Variants in KARS1 observed in about 807,000 individuals in gnomAD.
The protein encoded by KARS1 is lysyl-tRNA synthetase 1.
In KARS1, 50 loss-of-function variants were observed where a neutral mutation model predicts 63.9. The observed-to-expected ratio is 0.78, with a 90% CI of 0.62 to 0.99. The LOEUF (loss-of-function observed/expected upper bound fraction) is 0.99, where lower values mean the gene tolerates loss of function less well. KARS1 is among the 50% of genes least tolerant of loss of function. KARS1 has a pLI of 0.00. For synonymous variants in KARS1, 320 were observed against 264.6 expected, an observed-to-expected ratio of 1.21 and a Z score of -2.03; for missense variants, 816 against 754.5, an observed-to-expected ratio of 1.08 and a Z score of -0.95.
chr16:75,630,613 T>C (rs903867384), intron 10 of KARS1, 105 bp from the exon 11 acceptor site: 5 of 558,184 alleles, frequency 9.0e-6, no homozygotes, highest in South Asian at 2.1e-5. Context: ...GTTTATCCTA[T>C]AGCTTTTTAT....
At chr16:75,646,572 T>C (rs1264105929) in intron 1 of KARS1, among the ~76,000 whole-genome samples, 1 of 152,036 alleles carries the variant, frequency 6.6e-6, no homozygotes, top group Non-Finnish European at 1.5e-5. Context: ...CATTTCTCTT[T>C]TCTTTTTCAT....
chr16:75,641,556 G>C lies in KARS1; in HGVS notation c.222+8C>G, dbSNP rs761025140. On this transcript the variant is annotated splice_region_variant and intron_variant, in intron 2 of 13. Coordinates refer to ENST00000302445, the MANE Select transcript of KARS1 (RefSeq NM_005548.3). ...TGCCCAACCATGCTGGTGGCCCAGG[G>C]AACTCACATTTGGGTCCACGCTCTC... 1 of 1,612,396 alleles carries C rather than the reference G, an allele frequency of 6.2e-7. No homozygotes were observed. The highest frequency in any genetic ancestry group is 8.5e-7 in the Non-Finnish European group (1 of 1,179,160).
Position 75,634,195 on chromosome 16 carries a change from A to G in KARS1, c.893T>C (p.Ile298Thr). 6.2e-7 allele frequency: 1 copy of G among 1,613,874 alleles called. No individual in the cohort carries two copies. The highest frequency in any genetic ancestry group is 8.5e-7 in the Non-Finnish European group (1 of 1,179,816). Residue 298 changes from isoleucine (I) to threonine (T), a missense_variant, in exon 7 of 14, where the codon ATT becomes ACT. By Grantham distance (89) the Ile-to-Thr change is moderately conservative. Transcript: ENST00000302445. ...TACCTTATGATAGAGTTCTGGAGCA[A>G]TTCTCATATATAAGTTCATGTCCAG... is the stretch of plus-strand genomic sequence containing the variant. ...NELDMNLYMR[I>T]APELYHKMLV...
chr16:75,640,354 T>TAAA lies in KARS1; in HGVS notation c.223-8_223-6dup, dbSNP rs370077957. The TAAA allele has an allele frequency of 4.2e-5, 64 of 1,534,960 alleles. No homozygotes were observed. The highest frequency in any genetic ancestry group is 3.0e-4 in the Admixed American group (16 of 53,612). On this transcript the variant is annotated splice_polypyrimidine_tract_variant and splice_region_variant and intron_variant, in intron 2 of 13. Coordinates refer to ENST00000302445, the MANE Select transcript of KARS1 (RefSeq NM_005548.3). ...ACTGCGGATTTTGTAGTATTGCTGT[T>TAAA]AAAAAAAAAAAAAAAAAAGCCCTTC...
At chr16:75,643,379 C>CT (rs764979861) in intron 1 of KARS1, among the ~76,000 whole-genome samples, 2,986 of 140,984 alleles carry the variant, frequency 0.021, 94 homozygotes, top group African/African-American at 0.061. Context: ...AATCTTTCAC[C>CT]TTTTTTTTTT....
At position 75,629,404 on chromosome 16, in the gene KARS1, C is replaced by T. The variant is rs1010510886; in HGVS notation, c.1551+11G>A. The T allele has an allele frequency of 4.3e-6, 7 of 1,613,692 alleles. No individual in the cohort carries two copies. The African/African-American group carries it at 8.0e-5, about 18-fold the overall frequency. ...GTTGGCACAGCTTCTGCTCACAGTC[C>T]CCTTTCTCACCTTGGCCTGTTCTTC... is the stretch of plus-strand genomic sequence containing the variant. On this transcript the variant is annotated intron_variant, in intron 12 of 13. Transcript: ENST00000302445.
At chr16:75,633,890 C>A (rs944380553) in intron 7 of KARS1, 39 of 390,878 alleles carry the variant, frequency 1.0e-4, no homozygotes, top group South Asian at 2.5e-4. Flanking sequence ...CAGATCTAAT[C>A]CACGTAAGAC....
In KARS1 at chr16:75,639,618, A is replaced by G. The variant is rs13380501; in HGVS notation, c.388+566T>C. Among the ~76,000 whole-genome samples, 212 of 150,180 alleles carry G rather than the reference A, an allele frequency of 1.4e-3. 1 individual carries two copies. In the Middle Eastern group the frequency reaches 0.035, roughly 25 times the overall value. ...GATTTTAGTAAAATCACTGCACTTT[A>G]AAGAAGAAATCTTTTGGGCATTTAG... On this transcript the variant is annotated intron_variant, in intron 3 of 13. Transcript: ENST00000302445.
intron 12 of KARS1, 96 bp downstream of exon 12, chr16:75,629,319 A>C: frequency 6.7e-7 from 1 of 1,490,630 alleles, no homozygotes; most frequent in South Asian, 1.1e-5. Context: ...TTCACTTCTG[A>C]AGTCACCAAG....
intron 2 of KARS1, among the ~76,000 whole-genome samples, chr16:75,640,926 G>A (rs942563874): frequency 1.3e-5 from 2 of 152,208 alleles, no homozygotes; most frequent in African/African-American, 2.4e-5. Context: ...GGAGGGGCAA[G>A]GTGTGGTGGC....
At chr16:75,647,472 G>A in intron 1 of KARS1, 106 bp downstream of exon 1, 2 of 1,047,070 alleles carry the variant, frequency 1.9e-6, no homozygotes, top group South Asian at 1.3e-5. Context: ...ACCCACGAGA[G>A]CCGGCAAGAA....
At position 75,634,394 on chromosome 16, in the gene KARS1, C is replaced by G. The variant is rs950178168; in HGVS notation, c.796-102G>C. On this transcript the variant is annotated intron_variant, in intron 6 of 13. Transcript: ENST00000302445. ...TAGTCTAAGCCTGTTATACCCCAAA[C>G]TAAATGTTAATAAGTTCAACAGTAA... 8 of 1,206,562 alleles carry G rather than the reference C, an allele frequency of 6.6e-6. No homozygotes were observed. The Admixed American group carries it at 1.5e-4, about 23-fold the overall frequency. The allele number at this position is 1,206,562 out of a possible 1,614,324, so 74.7% of individuals were successfully genotyped here.
At chr16:75,633,655 T>C (rs1360731730) in intron 7 of KARS1, among the ~76,000 whole-genome samples, 2 of 152,062 alleles carry the variant, frequency 1.3e-5, no homozygotes, top group Non-Finnish European at 1.5e-5. Flanking sequence ...GTAGCTGGGA[T>C]TACAGGCACA....
chr16:75,631,533 CTGGGCCAT>C lies in KARS1; in HGVS notation c.1127_1134del (p.Asp376GlyfsTer8). The C allele has an allele frequency of 6.2e-7, 1 of 1,613,770 alleles. No homozygotes were observed. Among genetic ancestry groups the C allele is most frequent in the East Asian group, 2.2e-5 (1 of 44,872 alleles). On this transcript the variant is annotated frameshift_variant, in exon 9 of 14. Coordinates refer to ENST00000302445, the MANE Select transcript of KARS1 (RefSeq NM_005548.3). LOFTEE classifies it high-confidence loss of function. Reference sequence around the variant, plus strand: ...AAGTCAACATCGTAGGCTTGGCCCTCTGGGCCATCTGGGTGGTAGGTGACCTTGTAACT... The same window carrying C: ...AAGTCAACATCGTAGGCTTGGCCCTCCTGGGTGGTAGGTGACCTTGTAACT...
At chr16:75,644,413 C>A in intron 1 of KARS1, 6 of 1,611,340 alleles carry the variant, frequency 3.7e-6, no homozygotes, top group Non-Finnish European at 5.1e-6. Context: ...AGCCTTACAG[C>A]AGCTTGCGTC....
In KARS1 at chr16:75,640,305, G is replaced by A. The variant is rs1436470916; in HGVS notation, c.267C>T (p.Val89=). Residue 89 remains valine, a synonymous_variant, in exon 3 of 14, where the codon GTC becomes GTT. Transcript: ENST00000302445. ...IRSQAIHQLK[V]NGEDPYPHKF... ...TGTGTGGGTATGGGTCTTCCCCATT[G>A]ACCTTCAGCTGATGAATTGCTTGAC... is the stretch of plus-strand genomic sequence containing the variant. 1.2e-6 allele frequency: 2 copies of A among 1,611,336 alleles called. No homozygotes were observed. The highest frequency in any genetic ancestry group is 1.7e-6 in the Non-Finnish European group (2 of 1,179,500).
At chr16:75,645,017 G>C (rs773941100) in intron 1 of KARS1, among the ~76,000 whole-genome samples, 2 of 152,180 alleles carry the variant, frequency 1.3e-5, no homozygotes, top group African/African-American at 2.4e-5. Flanking sequence ...ATCAACACTG[G>C]AAGGCAACAG....
chr16:75,630,685 G>C (rs1315895291), intron 10 of KARS1, among the ~76,000 whole-genome samples, 177 bp from the exon 11 acceptor site: 1 of 151,952 alleles, frequency 6.6e-6, no homozygotes, highest in East Asian at 1.9e-4. Context: ...GCCCAGGCTG[G>C]AGTGCAGTGG....
intron 7 of KARS1, 63 bp downstream of exon 7, chr16:75,634,110 C>G: frequency 4.5e-6 from 7 of 1,564,074 alleles, no homozygotes; most frequent in Non-Finnish European, 6.2e-6. Context: ...CTATACCCAT[C>G]TAGCCAGTGG....
Sources: allele counts gnomAD v4.1 joint callset (sites outside exome capture counted in the v4.1 genomes callset), GRCh38; gene constraint gnomAD v4.1.1; transcripts MANE v1.5; gene names NCBI Gene and HGNC (gene_info 2026-07-23, HGNC 2026-07-21).